FAH: variants seen among roughly 807,000 people sequenced by gnomAD.
FAH encodes fumarylacetoacetase.
Under a neutral mutation model 55.8 loss-of-function variants are expected in FAH, and 47 were observed. The ratio of observed to expected loss-of-function variants is 0.84; its 90% CI spans 0.67 to 1.07. The LOEUF (loss-of-function observed/expected upper bound fraction) is 1.07, where lower values mean the gene tolerates loss of function less well. Among genes scored for constraint, FAH ranks in the 50% least tolerant of loss-of-function variants. The pLI, the probability that FAH is intolerant of heterozygous loss-of-function variation, is 0.00. For synonymous variants in FAH, 199 were observed against 207.7 expected (o/e 0.96, Z 0.36); for missense variants, 495 against 545.9 (o/e 0.91, Z 0.93).
At chr15:80,186,045 T>G in intron 13 of FAH, 85 bp from the exon 14 acceptor site, 1 of 1,025,314 alleles carries the variant, frequency 9.8e-7, no homozygotes, top group Non-Finnish European at 1.6e-6. Context: ...GCCAGCTGTG[T>G]GCTGACGGGC....
chr15:80,177,378 C>T (rs561378662), intron 10 of FAH, 159 bp from the exon 11 acceptor site: 15 of 701,714 alleles, frequency 2.1e-5, no homozygotes, highest in African/African-American at 1.4e-4. Flanking sequence ...CAACCCTGGA[C>T]CTCCCAGCTC....
rs2041271232 is a variant in FAH, at chr15:80,175,057, C to A, written c.879C>A (p.Tyr293Ter). The A allele has an allele frequency of 6.2e-7, 1 of 1,614,194 alleles. No homozygotes were observed. The highest frequency in any genetic ancestry group is 8.5e-7 in the Non-Finnish European group (1 of 1,180,032). Residue 293 changes from tyrosine (Y) to a stop codon, truncating the protein, a stop_gained, in exon 10 of 14, where the codon TAC becomes TAA. Coordinates refer to ENST00000561421, the MANE Select transcript of FAH (RefSeq NM_000137.4). LOFTEE classifies it high-confidence loss of function. ...PLPYLCHDEP[Y>*]TFDINLSVNL... ...CGTATCTGTGCCATGACGAGCCCTA[C>A]ACATTTGACATCAACCTCTCTGTTA...
chr15:80,177,393 G>A lies in FAH; in HGVS notation c.914-144G>A, dbSNP rs982937250. ...CAACCCTGGACCTCCCAGCTCTGAT[G>A]TCCTAGGAGCTAATTGTTTCACAGA... On this transcript the variant is annotated intron_variant, in intron 10 of 13. Coordinates refer to ENST00000561421, the MANE Select transcript of FAH (RefSeq NM_000137.4). 13 of 773,598 alleles carry A rather than the reference G, an allele frequency of 1.7e-5. No individual in the cohort carries two copies. The Middle Eastern group carries it at 2.9e-3, about 172-fold the overall frequency. The allele number at this position is 773,598 out of a possible 1,614,324, so 47.9% of individuals were successfully genotyped here.
intron 9 of FAH, among the ~76,000 whole-genome samples, chr15:80,173,964 C>T (rs1426683837): frequency 1.3e-5 from 2 of 152,184 alleles, no homozygotes; most frequent in Non-Finnish European, 2.9e-5. Flanking sequence ...GCTGGTCCTG[C>T]ACCCACACTG....
intron 5 of FAH, among the ~76,000 whole-genome samples, chr15:80,165,503 G>A (rs986631273): frequency 6.6e-6 from 1 of 151,478 alleles, no homozygotes; most frequent in African/African-American, 2.4e-5. Flanking sequence ...ACTCCAGCCT[G>A]GGTGAGAGAG....
intron 5 of FAH, among the ~76,000 whole-genome samples, chr15:80,164,852 G>A (rs1031354697): frequency 6.6e-6 from 1 of 152,220 alleles, no homozygotes; most frequent in East Asian, 1.9e-4. Flanking sequence ...TGGATGTGCC[G>A]CTTCCTGTAC....
At chr15:80,170,701 C>T (rs2041233341) in intron 7 of FAH, among the ~76,000 whole-genome samples, 2 of 152,208 alleles carry the variant, frequency 1.3e-5, no homozygotes, top group African/African-American at 4.8e-5. Context: ...GACAGAGAGT[C>T]AGCATGTGGA....
Position 80,164,555 on chromosome 15 carries a change from C to T in FAH, c.455+2219C>T, listed in dbSNP as rs574958808. Among the ~76,000 whole-genome samples, 37 of 151,984 alleles carry T rather than the reference C, an allele frequency of 2.4e-4. 1 individual carries two copies. The highest frequency in any genetic ancestry group is 8.7e-4 in the African/African-American group (36 of 41,344). On this transcript the variant is annotated intron_variant, in intron 5 of 13. Transcript: ENST00000561421. ...ACACACACACACACACACGCATGTA[C>T]ACATGCACACACACACACTTATGCA...
intron 5 of FAH, among the ~76,000 whole-genome samples, chr15:80,164,387 C>T (rs1006249702): frequency 3.9e-5 from 6 of 152,154 alleles, no homozygotes; most frequent in Admixed American, 6.5e-5. Flanking sequence ...ATTTAGGGTT[C>T]ACTCAAATAA....
intron 4 of FAH, 199 bp downstream of exon 4, chr15:80,160,658 C>T: frequency 1.4e-6 from 1 of 694,138 alleles, no homozygotes; most frequent in Non-Finnish European, 2.6e-6. Flanking sequence ...AGGCTATTAT[C>T]TTGCCTCAGG....
intron 5 of FAH, chr15:80,162,848 A>C: frequency 4.5e-6 from 1 of 221,106 alleles, no homozygotes; most frequent in Non-Finnish European, 9.2e-6. Flanking sequence ...AGAAGGATCA[A>C]CTTGCCTGAG....
At chr15:80,167,759 TG>T (rs2041204055) in intron 5 of FAH, among the ~76,000 whole-genome samples, 2 of 152,124 alleles carry the variant, frequency 1.3e-5, no homozygotes, top group South Asian at 4.2e-4. Flanking sequence ...CTCGAACTCC[TG>T]GCCTCATGTG....
chr15:80,156,835 C>T (rs1381772374), intron 1 of FAH: 1 of 152,254 alleles, frequency 6.6e-6, no homozygotes, highest in African/African-American at 2.4e-5. Context: ...TAGTTTGAAG[C>T]ACAAGTTTGA....
intron 9 of FAH, among the ~76,000 whole-genome samples, chr15:80,173,950 C>T (rs1490416206): frequency 6.6e-6 from 1 of 152,180 alleles, no homozygotes; most frequent in Non-Finnish European, 1.5e-5. Context: ...TACCAACACC[C>T]GGTGCTGGTC....
At chr15:80,185,020 C>G (rs879100044) in intron 13 of FAH, among the ~76,000 whole-genome samples, 3 of 152,186 alleles carry the variant, frequency 2.0e-5, no homozygotes, top group Admixed American at 2.0e-4. Flanking sequence ...ATGGGCTTCT[C>G]TCTGCTTTTC....
At chr15:80,185,956 C>T (rs958021306) in intron 13 of FAH, among the ~76,000 whole-genome samples, 174 bp from the exon 14 acceptor site, 2 of 152,208 alleles carry the variant, frequency 1.3e-5, no homozygotes, top group African/African-American at 2.4e-5. Flanking sequence ...CTGCGTGCAA[C>T]TCTGCCCAGC....
intron 7 of FAH, among the ~76,000 whole-genome samples, chr15:80,170,973 T>C (rs549255647): frequency 4.6e-5 from 7 of 152,286 alleles, no homozygotes; most frequent in South Asian, 2.1e-4. Flanking sequence ...GGATGACAGA[T>C]AGGGGTTAGA....
chr15:80,153,113 G>A lies in FAH; in HGVS notation c.59G>A (p.Gly20Asp). The part of the protein sequence containing the change: ...SDFPIHNLPY[G>D]VFSTRGDPRP... ...TTCCCCATCCACAACCTGCCCTACG[G>A]CGTCTTCTCGACCAGAGGCGACGTG... The change falls in exon 1 of 14, where the codon GGC becomes GAC. Residue 20 changes from glycine (G) to aspartate (D), a missense_variant. Physicochemically the swap from Gly to Asp is moderately conservative, Grantham distance 94. Transcript: ENST00000561421. 1 of 1,613,874 alleles carries A rather than the reference G, an allele frequency of 6.2e-7. No individual in the cohort carries two copies. The highest frequency in any genetic ancestry group is 8.5e-7 in the Non-Finnish European group (1 of 1,180,006).
chr15:80,157,408 C>T (rs1471024350), intron 1 of FAH: 1 of 156,690 alleles, frequency 6.4e-6, no homozygotes, highest in South Asian at 1.9e-4. Flanking sequence ...TTCTTGTTGA[C>T]GAGCAAAGCT....
Sources: gnomAD v4.1 joint callset for allele counts (sites outside exome capture counted in the v4.1 genomes callset) on GRCh38, gnomAD v4.1.1 for gene constraint, MANE v1.5 for transcripts, NCBI Gene and HGNC (gene_info 2026-07-23, HGNC 2026-07-21) for gene names.